ENTREP2: variants seen among roughly 807,000 people sequenced by gnomAD.
ENTREP2 encodes the protein endosomal transmembrane epsin interactor 2.
At chr15:29,253,589 C>T in the ENTREP2 span, among the ~76,000 whole-genome samples, 112 of 151,858 alleles carry the variant, frequency 7.4e-4, 1 homozygote, top group Non-Finnish European at 9.6e-4. Context: ...ACTACAGGTG[C>T]GCACAACCAC....
chr15:29,221,698 C>T, the ENTREP2 span, among the ~76,000 whole-genome samples: 6 of 151,998 alleles, frequency 3.9e-5, no homozygotes, highest in South Asian at 2.1e-4. Context: ...CTTTTAGGCC[C>T]GACTCAGAAA....
chr15:29,127,022 G>A, the ENTREP2 span, among the ~76,000 whole-genome samples: 5 of 152,280 alleles, frequency 3.3e-5, no homozygotes, highest in South Asian at 4.1e-4. Flanking sequence ...GGGAACAAGC[G>A]GGGAATGCAG....
chr15:29,231,880 C>CTTTTGTT, the ENTREP2 span, among the ~76,000 whole-genome samples: 1 of 99,052 alleles, frequency 1.0e-5, no homozygotes, highest in East Asian at 4.8e-4. Flanking sequence ...AATAAGTTTT[C>CTTTTGTT]TTTTCTTTTC....
chr15:29,250,059 C>T, the ENTREP2 span, among the ~76,000 whole-genome samples: 1 of 152,132 alleles, frequency 6.6e-6, no homozygotes, highest in African/African-American at 2.4e-5. Context: ...GCAGTCTCCA[C>T]CTCCAACGCT....
the ENTREP2 span, among the ~76,000 whole-genome samples, chr15:29,486,200 T>C: frequency 1.3e-5 from 2 of 150,778 alleles, no homozygotes; most frequent in Non-Finnish European, 2.9e-5. Context: ...AAACACACAA[T>C]AGAGTACTAT....
the ENTREP2 span, among the ~76,000 whole-genome samples, chr15:29,244,234 A>G: frequency 7.2e-5 from 11 of 152,360 alleles, no homozygotes; most frequent in East Asian, 2.1e-3. Context: ...GATAAAATTT[A>G]CATGCATCTT....
the ENTREP2 span, among the ~76,000 whole-genome samples, chr15:29,299,898 T>C: frequency 0.16 from 23,191 of 148,738 alleles, 3,053 homozygotes; most frequent in African/African-American, 0.37. Context: ...GATGGATGAA[T>C]GGATGGGTGG....
chr15:29,554,149 C>T, the ENTREP2 span, among the ~76,000 whole-genome samples: 1 of 151,876 alleles, frequency 6.6e-6, no homozygotes, highest in Non-Finnish European at 1.5e-5. Context: ...CCCGTCTCTA[C>T]TAAAAATACA....
chr15:29,588,377 A>G, the ENTREP2 span, among the ~76,000 whole-genome samples: 1 of 151,930 alleles, frequency 6.6e-6, no homozygotes, highest in Admixed American at 6.6e-5. Flanking sequence ...CTGAGGCAGG[A>G]GAATCGCTTG....
At chr15:29,437,757 T>G in the ENTREP2 span, among the ~76,000 whole-genome samples, 1 of 152,314 alleles carries the variant, frequency 6.6e-6, no homozygotes, top group South Asian at 2.1e-4. Flanking sequence ...TCCCAGAACA[T>G]TTTCAAGTAA....
At chr15:29,570,379 C>A in the ENTREP2 span, 16 of 487,590 alleles carry the variant, frequency 3.3e-5, no homozygotes, top group Non-Finnish European at 5.0e-5. Flanking sequence ...CGCGCTGCAG[C>A]TACTCGGCCC....
the ENTREP2 span, among the ~76,000 whole-genome samples, chr15:29,655,987 G>A: frequency 2.2e-5 from 3 of 138,600 alleles, no homozygotes; most frequent in South Asian, 2.6e-4. Flanking sequence ...TCACGCCACC[G>A]CACTCCAGCC....
the ENTREP2 span, among the ~76,000 whole-genome samples, chr15:29,287,549 TA>T: frequency 2.0e-5 from 3 of 152,210 alleles, no homozygotes; most frequent in South Asian, 6.2e-4. Flanking sequence ...TTATTTTGTT[TA>T]AAGTAGAAAT....
the ENTREP2 span, among the ~76,000 whole-genome samples, chr15:29,616,170 A>G: frequency 1.9e-4 from 29 of 152,322 alleles, 1 homozygote; most frequent in African/African-American, 6.7e-4. Context: ...TTGATGTATT[A>G]CCCTCAATTT....
the ENTREP2 span, among the ~76,000 whole-genome samples, chr15:29,584,956 A>G: frequency 6.6e-6 from 1 of 151,998 alleles, no homozygotes; most frequent in South Asian, 2.1e-4. Flanking sequence ...TTATACTTCA[A>G]TAAAGCTGGA....
chr15:29,447,607 G>A, the ENTREP2 span, among the ~76,000 whole-genome samples: 1 of 151,316 alleles, frequency 6.6e-6, no homozygotes, highest in African/African-American at 2.4e-5. Flanking sequence ...TGGGACTACA[G>A]GTGCATGCCA....
the ENTREP2 span, among the ~76,000 whole-genome samples, chr15:29,362,917 G>C: frequency 1.2e-4 from 18 of 152,062 alleles, 1 homozygote; most frequent in South Asian, 3.8e-3. Flanking sequence ...TTTCAGTCTC[G>C]TTTTTCTGGT....
At chr15:29,659,526 T>A in the ENTREP2 span, among the ~76,000 whole-genome samples, 1 of 152,096 alleles carries the variant, frequency 6.6e-6, no homozygotes, top group African/African-American at 2.4e-5. Flanking sequence ...CTATCACCAC[T>A]GTCTAGGTCA....
the ENTREP2 span, among the ~76,000 whole-genome samples, chr15:29,463,821 G>A: frequency 6.6e-6 from 1 of 152,114 alleles, no homozygotes; most frequent in Non-Finnish European, 1.5e-5. Context: ...TCCATCAATG[G>A]CAGAACAGAT....
Sources: gnomAD v4.1 joint callset for allele counts (sites outside exome capture counted in the v4.1 genomes callset) on GRCh38, gnomAD v4.1.1 for gene constraint, MANE v1.5 for transcripts, NCBI Gene and HGNC (gene_info 2026-07-23, HGNC 2026-07-21) for gene names.